Variants in NRXN1 observed in about 807,000 individuals in gnomAD.
The protein encoded by NRXN1 is neurexin 1.
In NRXN1, 39 loss-of-function variants were observed where a neutral mutation model predicts 150.9. The ratio of observed to expected loss-of-function variants is 0.26; its 90% CI spans 0.20 to 0.34. NRXN1 has a LOEUF of 0.34. Among genes scored for constraint, NRXN1 ranks in the 10% least tolerant of loss-of-function variants. The pLI is 1.00. For missense variants in NRXN1, 1,815 were observed against 1,949.9 expected (o/e 0.93, Z 1.30); for synonymous variants, 924 against 757.0 (o/e 1.22, Z -3.62).
rs763239582 is a variant in NRXN1, at chr2:50,910,176, A to G, written c.832+11693T>C. ...CTTTAAAAATATGTATACAAAGGATAACTGTCTTTGACTTTTTTGATCTTT... is the reference window on the plus strand; with the variant it reads ...CTTTAAAAATATGTATACAAAGGATGACTGTCTTTGACTTTTTTGATCTTT... On this transcript the variant is annotated intron_variant, in intron 5 of 22. Transcript: ENST00000401669. 2.6e-5 allele frequency among the ~76,000 whole-genome samples: 4 copies of G among 152,052 alleles called. No individual in the cohort carries two copies. The South Asian group carries it at 6.2e-4, about 24-fold the overall frequency.
At chr2:49,944,303 T>C (rs1413778909) in intron 21 of NRXN1, among the ~76,000 whole-genome samples, 1 of 152,220 alleles carries the variant, frequency 6.6e-6, no homozygotes, top group Non-Finnish European at 1.5e-5. Flanking sequence ...GATAGCTCTT[T>C]CATTGGTGCA....
intron 17 of NRXN1, among the ~76,000 whole-genome samples, chr2:50,302,459 T>C (rs2074244872): frequency 6.6e-6 from 1 of 152,186 alleles, no homozygotes; most frequent in South Asian, 2.1e-4. Flanking sequence ...TTGACAGTTA[T>C]AGATTACAAA....
chr2:50,583,700 A>C (rs747377457), intron 8 of NRXN1, among the ~76,000 whole-genome samples: 3 of 152,200 alleles, frequency 2.0e-5, no homozygotes, highest in Non-Finnish European at 2.9e-5. Context: ...ATTATATTCA[A>C]GGTTCACAGA....
chr2:50,195,117 G>T (rs919007683), intron 18 of NRXN1, among the ~76,000 whole-genome samples: 14 of 152,110 alleles, frequency 9.2e-5, no homozygotes, highest in Non-Finnish European at 2.1e-4. Context: ...ATATATCCTG[G>T]ACTGAAGATT....
At chr2:50,918,300 T>C in intron 5 of NRXN1, 1 of 203,900 alleles carries the variant, frequency 4.9e-6, no homozygotes. Flanking sequence ...CCCAAACAAA[T>C]ACATTTAAGT....
intron 18 of NRXN1, among the ~76,000 whole-genome samples, chr2:50,232,387 CTT>C (rs56846249): frequency 0.02 from 1,115 of 55,182 alleles, 10 homozygotes; most frequent in African/African-American, 0.063. Context: ...CTTTTCTTTT[CTT>C]TTTTTTTTTT....
At chr2:50,748,173 C>G (rs1207903990) in intron 5 of NRXN1, among the ~76,000 whole-genome samples, 1 of 152,152 alleles carries the variant, frequency 6.6e-6, no homozygotes, top group Non-Finnish European at 1.5e-5. Flanking sequence ...ATAACCCAAC[C>G]AAGACTGCTG....
chr2:50,032,217 TA>T (rs888212594), intron 21 of NRXN1, among the ~76,000 whole-genome samples: 4 of 152,040 alleles, frequency 2.6e-5, no homozygotes, highest in African/African-American at 9.7e-5. Context: ...AAAGCACCTT[TA>T]TTCACTCGTA....
intron 12 of NRXN1, among the ~76,000 whole-genome samples, chr2:50,518,189 T>A (rs2092683422): frequency 6.6e-6 from 1 of 152,192 alleles, no homozygotes; most frequent in South Asian, 2.1e-4. Context: ...TGAACACAAA[T>A]TAAATAAATA....
intron 8 of NRXN1, among the ~76,000 whole-genome samples, chr2:50,584,476 A>G (rs756051282): frequency 6.6e-6 from 1 of 152,108 alleles, no homozygotes; most frequent in Non-Finnish European, 1.5e-5. Context: ...TTCCCTACCA[A>G]CCATCTATCT....
chr2:50,248,256 C>A (rs553367162), intron 17 of NRXN1, among the ~76,000 whole-genome samples: 1 of 152,166 alleles, frequency 6.6e-6, no homozygotes, highest in Non-Finnish European at 1.5e-5. Flanking sequence ...CTCAATAGAT[C>A]TTTCTGCCTT....
intron 19 of NRXN1, among the ~76,000 whole-genome samples, chr2:50,071,350 C>T (rs980756937): frequency 6.6e-6 from 1 of 152,128 alleles, no homozygotes; most frequent in African/African-American, 2.4e-5. Flanking sequence ...TATGGTGAAG[C>T]CTTAACCCCT....
At chr2:50,574,727 A>G (rs1671139955) in intron 8 of NRXN1, among the ~76,000 whole-genome samples, 2 of 152,328 alleles carry the variant, frequency 1.3e-5, no homozygotes, top group Non-Finnish European at 2.9e-5. Flanking sequence ...ATTTGCATTG[A>G]CAACACCATA....
At chr2:50,469,552 C>T (rs917551420) in intron 16 of NRXN1, among the ~76,000 whole-genome samples, 6 of 151,274 alleles carry the variant, frequency 4.0e-5, no homozygotes, top group African/African-American at 1.5e-4. Flanking sequence ...ACATAACAAT[C>T]TTTAGAAAGA....
rs2081629294 is a variant in NRXN1 at position 50,390,698 on chromosome 2, A to G, written c.3364+74744T>C. Among the ~76,000 whole-genome samples, 3 of 152,012 alleles carry G rather than the reference A, an allele frequency of 2.0e-5. No homozygotes were observed. The South Asian group carries it at 6.2e-4, about 32-fold the overall frequency. Reference sequence around the variant, plus strand: ...TCATTAGTATAGGAGTGGGTTTGTTACAAAAGAAAGTTTGGCCCCCTCTTG... The same window carrying G: ...TCATTAGTATAGGAGTGGGTTTGTTGCAAAAGAAAGTTTGGCCCCCTCTTG... On this transcript the variant is annotated intron_variant, in intron 17 of 22. Coordinates refer to ENST00000401669, the MANE Select transcript of NRXN1 (RefSeq NM_001330078.2).
At chr2:49,976,168 G>A (rs1309217081) in intron 21 of NRXN1, among the ~76,000 whole-genome samples, 2 of 150,704 alleles carry the variant, frequency 1.3e-5, no homozygotes, top group Admixed American at 1.3e-4. Flanking sequence ...GATTACAGGA[G>A]AGTGCCACCA....
chr2:50,519,080 G>T, intron 12 of NRXN1, among the ~76,000 whole-genome samples: 1 of 151,802 alleles, frequency 6.6e-6, no homozygotes, highest in East Asian at 1.9e-4. Flanking sequence ...ATTGATGAAT[G>T]GTAGCATCTC....
chr2:50,023,749 A>C (rs1351606935), intron 21 of NRXN1: 1 of 152,182 alleles, frequency 6.6e-6, no homozygotes, highest in Non-Finnish European at 1.5e-5. Context: ...TGTAAGTACC[A>C]AAATCATGGT....
chr2:51,015,669 T>A (rs1668555464), intron 2 of NRXN1, among the ~76,000 whole-genome samples: 1 of 151,880 alleles, frequency 6.6e-6, no homozygotes, highest in Admixed American at 6.6e-5. Context: ...AAAAAAAATA[T>A]TTAAATATCA....
Sources: gnomAD v4.1 joint callset for allele counts (sites outside exome capture counted in the v4.1 genomes callset) on GRCh38, gnomAD v4.1.1 for gene constraint, MANE v1.5 for transcripts, NCBI Gene and HGNC (gene_info 2026-07-23, HGNC 2026-07-21) for gene names.